Variants in RORC observed in about 807,000 individuals in gnomAD.
RORC encodes nuclear receptor ROR-gamma.
A neutral mutation model predicts 64.5 loss-of-function variants in RORC; 13 were observed. The observed-to-expected ratio is 0.20, with a 90% CI of 0.13 to 0.32. RORC has a LOEUF of 0.32. Ranked by LOEUF, RORC falls within the 10% of genes least tolerant of loss-of-function variation. The pLI is 1.00. For synonymous variants in RORC, 277 were observed against 259.3 expected, an observed-to-expected ratio of 1.07 and a Z score of -0.65; for missense variants, 468 against 669.5, an observed-to-expected ratio of 0.70 and a Z score of 3.32.
chr1:151,813,879 T>G, intron 6 of RORC: 1 of 473,194 alleles, frequency 2.1e-6, no homozygotes, highest in South Asian at 2.6e-5. Context: ...AGCTTTGCCC[T>G]CCAACAAGGT....
intron 1 of RORC, chr1:151,831,115 C>T: frequency 7.8e-7 from 1 of 1,285,954 alleles, no homozygotes; most frequent in South Asian, 1.2e-5. Flanking sequence ...CTGCTGATGG[C>T]CCAGTGCCCC....
chr1:151,824,796 C>T (rs909987130), intron 2 of RORC, among the ~76,000 whole-genome samples: 7 of 152,174 alleles, frequency 4.6e-5, no homozygotes, highest in Admixed American at 3.3e-4. Context: ...CCTTGTTTTG[C>T]GGATGGTAGA....
rs201851811 is a variant in RORC at position 151,815,071 on chromosome 1, T to A, written c.653A>T (p.Tyr218Phe). ...RGKAEGRESF[Y>F]STGSQLTPDR... is the part of the protein sequence containing the mutation. The stretch of plus-strand genomic sequence containing the variant: ...AGGGGTCAGCTGGCTGCCTGTGCTA[T>A]AGAAGCTCTCTCTGCCCTCAGCCTT... The change falls in exon 5 of 11, where the codon TAT becomes TTT. Residue 218 changes from tyrosine (Y) to phenylalanine (F), a missense_variant. Tyr to Phe is a conservative substitution (Grantham distance 22). This residue lies in a region of RORC where 241 missense variants were observed against 295.5 expected (regional missense o/e 0.82). Coordinates refer to ENST00000318247, the MANE Select transcript of RORC (RefSeq NM_005060.4). 3 of 1,614,130 alleles carry A rather than the reference T, an allele frequency of 1.9e-6. No individual in the cohort carries two copies. Among genetic ancestry groups the A allele is most frequent in the Non-Finnish European group, 2.5e-6 (3 of 1,180,052 alleles).
intron 2 of RORC, among the ~76,000 whole-genome samples, chr1:151,822,749 AG>A (rs1298026682): frequency 6.6e-6 from 1 of 152,240 alleles, no homozygotes; most frequent in East Asian, 1.9e-4. Flanking sequence ...TCTGGCCCTG[AG>A]GCCCTGCCTT....
At chr1:151,826,838 C>T (rs192421277) in intron 2 of RORC, among the ~76,000 whole-genome samples, 100 of 152,270 alleles carry the variant, frequency 6.6e-4, no homozygotes, top group African/African-American at 2.3e-3. Flanking sequence ...TTTATGTGGG[C>T]CGGGGGCAGT....
Sources: allele counts gnomAD v4.1 joint callset (sites outside exome capture counted in the v4.1 genomes callset), GRCh38; gene constraint gnomAD v4.1.1; regional missense constraint gnomAD v4.1.1; transcripts MANE v1.5; gene names NCBI Gene and HGNC (gene_info 2026-07-23, HGNC 2026-07-21).